The following FILIP1L variants were observed in gnomAD, a reference collection of about 807,000 sequenced individuals.
FILIP1L encodes filamin A interacting protein 1 like, also known as filamin A-interacting protein 1-like.
FILIP1L carries 55 observed loss-of-function variants against 96.6 expected under a neutral mutation model. The ratio of observed to expected loss-of-function variants is 0.57; its 90% CI spans 0.46 to 0.71. FILIP1L has a LOEUF of 0.71. Ranked by LOEUF, FILIP1L falls within the 30% of genes least tolerant of loss-of-function variation. The pLI is 0.00. For synonymous variants in FILIP1L, 467 were observed against 473.9 expected (o/e 0.99, Z 0.19); for missense variants, 1,304 against 1,321.2 (o/e 0.99, Z 0.20).
chr3:99,840,791 C>T (rs1943099500), intron 5 of FILIP1L, among the ~76,000 whole-genome samples: 1 of 152,158 alleles, frequency 6.6e-6, no homozygotes, highest in Non-Finnish European at 1.5e-5. Flanking sequence ...AATGACTTGT[C>T]CAGGGCCTCA....
chr3:99,893,490 A>T (rs1197265688), intron 4 of FILIP1L, among the ~76,000 whole-genome samples: 1 of 152,154 alleles, frequency 6.6e-6, no homozygotes, highest in African/African-American at 2.4e-5. Context: ...TTTAATAGGC[A>T]TTTAGTAACA....
intron 1 of FILIP1L, among the ~76,000 whole-genome samples, chr3:99,936,393 T>G (rs1216544471): frequency 7.5e-6 from 1 of 133,704 alleles, no homozygotes; most frequent in Non-Finnish European, 1.6e-5. Context: ...TTTTTTTTTT[T>G]GTGACAGCAT....
At chr3:100,023,410 T>G (rs1330550037) in intron 1 of FILIP1L, 1 of 152,616 alleles carries the variant, frequency 6.6e-6, no homozygotes, top group Admixed American at 6.6e-5. Flanking sequence ...GATTGTTTTC[T>G]CGTTGGATGA....
At chr3:99,970,896 A>G (rs893108498) in intron 1 of FILIP1L, among the ~76,000 whole-genome samples, 2 of 152,244 alleles carry the variant, frequency 1.3e-5, no homozygotes, top group Admixed American at 6.5e-5. Flanking sequence ...GAAAAAGACT[A>G]GAGGTGGGAA....
chr3:100,054,353 C>G (rs114678362), intron 1 of FILIP1L, among the ~76,000 whole-genome samples: 1,787 of 152,230 alleles, frequency 0.012, 23 homozygotes, highest in African/African-American at 0.026. Context: ...CTTGAAAGCT[C>G]AGATCTGGAA....
intron 1 of FILIP1L, among the ~76,000 whole-genome samples, chr3:100,016,550 C>A (rs1486271891): frequency 6.6e-6 from 1 of 152,120 alleles, no homozygotes; most frequent in African/African-American, 2.4e-5. Flanking sequence ...TGTGAGGGTG[C>A]CTTGCTGAAA....
intron 1 of FILIP1L, among the ~76,000 whole-genome samples, chr3:100,068,068 G>C (rs546822834): frequency 6.6e-6 from 1 of 152,146 alleles, no homozygotes; most frequent in African/African-American, 2.4e-5. Flanking sequence ...TGGGAATTTA[G>C]GAATAACTAC....
At chr3:99,832,934 G>C (rs1942744684) in intron 5 of FILIP1L, among the ~76,000 whole-genome samples, 1 of 146,944 alleles carries the variant, frequency 6.8e-6, no homozygotes, top group Admixed American at 6.9e-5. Flanking sequence ...ATTAAAATGT[G>C]TCATCTCTTG....
chr3:100,041,876 C>A (rs2065210874), intron 1 of FILIP1L, among the ~76,000 whole-genome samples: 2 of 152,138 alleles, frequency 1.3e-5, no homozygotes, highest in African/African-American at 4.8e-5. Context: ...CTGACCCCAA[C>A]TACAATTTGA....
At chr3:99,986,243 A>G (rs1709338817) in intron 1 of FILIP1L, among the ~76,000 whole-genome samples, 1 of 152,238 alleles carries the variant, frequency 6.6e-6, no homozygotes, top group African/African-American at 2.4e-5. Context: ...TTGCTCATGC[A>G]TCAATCTGTA....
intron 1 of FILIP1L, among the ~76,000 whole-genome samples, chr3:100,044,876 A>G (rs1217982088): frequency 6.6e-6 from 1 of 152,194 alleles, no homozygotes; most frequent in African/African-American, 2.4e-5. Flanking sequence ...AGCTGACAGG[A>G]CTAGTGGCTC....
chr3:100,066,773 C>T (rs535235408), intron 1 of FILIP1L, among the ~76,000 whole-genome samples: 1 of 94,596 alleles, frequency 1.1e-5, no homozygotes, highest in East Asian at 2.7e-4. Context: ...CCTCGTGATC[C>T]GCCCGCCTCG....
At chr3:99,932,540 C>G (rs556323901) in intron 1 of FILIP1L, among the ~76,000 whole-genome samples, 78 of 151,632 alleles carry the variant, frequency 5.1e-4, no homozygotes, top group African/African-American at 1.7e-3. Flanking sequence ...ACATTTTTTT[C>G]CCTTGTGTTA....
At chr3:99,948,392 G>A (rs1346125933) in intron 1 of FILIP1L, among the ~76,000 whole-genome samples, 2 of 151,830 alleles carry the variant, frequency 1.3e-5, no homozygotes, top group Non-Finnish European at 2.9e-5. Flanking sequence ...AAAAAAATTA[G>A]CTCGGTAGGG....
At chr3:100,091,300 A>AAAG (rs2066104408) in intron 1 of FILIP1L, among the ~76,000 whole-genome samples, 1 of 151,986 alleles carries the variant, frequency 6.6e-6, no homozygotes, top group African/African-American at 2.4e-5. Context: ...AAAAAAAAAA[A>AAAG]AAGAAAAAAG....
At position 100,020,675 on chromosome 3, in the gene FILIP1L, G is replaced by A. The variant is rs370403075; in HGVS notation, c.-10-89645C>T. On this transcript the variant is annotated intron_variant, in intron 1 of 5. Transcript: ENST00000477258. The stretch of plus-strand genomic sequence containing the variant: ...TTCTTAAAAAGTGTTTATTTTTAGT[G>A]ATTTCATTTAAAAATTGCAAAGCGA... 3.8e-4 allele frequency among the ~76,000 whole-genome samples: 56 copies of A among 148,992 alleles called. No individual in the cohort carries two copies. The East Asian group carries it at 5.0e-3, about 13-fold the overall frequency.
At position 99,909,938 on chromosome 3, in the gene FILIP1L, TCA is replaced by T. The variant is rs1706740879; in HGVS notation, c.605+14290_605+14291del. Among the ~76,000 whole-genome samples the T allele has an allele frequency of 5.1e-5, 7 of 138,564 alleles. 1 individual carries two copies. Among genetic ancestry groups the T allele is most frequent in the Non-Finnish European group, 8.3e-5 (5 of 60,324 alleles). The allele number at this position is 138,564 out of a possible 152,430, so 90.9% of individuals were successfully genotyped here. ...TTATCATTGTCAACAAGAGCTGTTG[TCA>T]TCTGACCAAAATGAGTGAGAAATTT... On this transcript the variant is annotated intron_variant, in intron 4 of 5. Coordinates refer to ENST00000477258, the MANE Select transcript of FILIP1L (RefSeq NM_001387850.1).
chr3:99,866,238 C>T (rs1347459945), intron 4 of FILIP1L, among the ~76,000 whole-genome samples: 1 of 151,966 alleles, frequency 6.6e-6, no homozygotes. Context: ...CAGTTCACCA[C>T]ATTTAATAAA....
intron 4 of FILIP1L, among the ~76,000 whole-genome samples, chr3:99,909,085 A>G (rs1706711968): frequency 6.6e-6 from 1 of 152,226 alleles, no homozygotes; most frequent in Non-Finnish European, 1.5e-5. Flanking sequence ...TGGAAAATGT[A>G]AGAACCAAAT....
Sources: gnomAD v4.1 joint callset for allele counts (sites outside exome capture counted in the v4.1 genomes callset) on GRCh38, gnomAD v4.1.1 for gene constraint, MANE v1.5 for transcripts, NCBI Gene and HGNC (gene_info 2026-07-23, HGNC 2026-07-21) for gene names.